Variants in RPTOR observed in about 807,000 individuals in gnomAD.
RPTOR encodes the protein regulatory associated protein of MTOR complex 1.
A neutral mutation model predicts 169.9 loss-of-function variants in RPTOR; 21 were observed. The observed-to-expected ratio is 0.12, with a 90% CI of 0.09 to 0.18. The LOEUF (loss-of-function observed/expected upper bound fraction) is 0.18. RPTOR is among the 10% of genes least tolerant of loss of function. RPTOR has a pLI of 1.00. For synonymous variants in RPTOR, 732 were observed against 753.2 expected (o/e 0.97, Z 0.46); for missense variants, 1,133 against 1,855.9 (o/e 0.61, Z 7.16).
chr17:80,821,579 G>A (rs56026498), intron 7 of RPTOR, among the ~76,000 whole-genome samples: 1,996 of 152,104 alleles, frequency 0.013, 46 homozygotes, highest in African/African-American at 0.046. Flanking sequence ...TCATCCCCCC[G>A]CCCACTCTCT....
intron 6 of RPTOR, among the ~76,000 whole-genome samples, chr17:80,769,363 A>G (rs2066819182): frequency 6.6e-6 from 1 of 152,180 alleles, no homozygotes; most frequent in Non-Finnish European, 1.5e-5. Context: ...ATTTCAGTGC[A>G]CTCTGAGACT....
intron 20 of RPTOR, among the ~76,000 whole-genome samples, chr17:80,905,047 C>T (rs893044683): frequency 5.3e-5 from 8 of 152,214 alleles, no homozygotes; most frequent in Non-Finnish European, 7.3e-5. Context: ...GGGCCCACGA[C>T]GCTCAGTCCT....
rs1207643191 is a variant in RPTOR, at chr17:80,844,496, G to A, written c.1213-1977G>A. Among the ~76,000 whole-genome samples, 3 of 152,140 alleles carry A rather than the reference G, an allele frequency of 2.0e-5. No individual in the cohort carries two copies. The highest frequency in any genetic ancestry group is 2.9e-5 in the Non-Finnish European group (2 of 68,030). ...TACGTTCTCGCGGGATGTGGAGGAG[G>A]GGGTACTTAACGAGATTTTTTTTTA... On this transcript the variant is annotated intron_variant, in intron 10 of 33. Transcript: ENST00000306801. This position sits in a 1 kb window ranked among gnomAD's most constrained non-coding sequence, Gnocchi z 4.7.
At chr17:80,842,440 T>C (rs1419160267) in intron 10 of RPTOR, among the ~76,000 whole-genome samples, 2 of 152,184 alleles carry the variant, frequency 1.3e-5, no homozygotes, top group Non-Finnish European at 2.9e-5. Flanking sequence ...CCTTCACATT[T>C]CTCGGAGTGA....
intron 4 of RPTOR, among the ~76,000 whole-genome samples, chr17:80,711,141 G>A (rs2066186563): frequency 6.6e-6 from 1 of 152,140 alleles, no homozygotes; most frequent in Non-Finnish European, 1.5e-5. Context: ...TACCCCTTTA[G>A]AAACTCACCA....
At chr17:80,930,200 GCTCATCCCCAGCTCATC>G (rs2068863106) in intron 24 of RPTOR, among the ~76,000 whole-genome samples, 1 of 111,828 alleles carries the variant, frequency 8.9e-6, no homozygotes, top group African/African-American at 3.5e-5. Context: ...CTCATGCCCA[GCTCATCCCCAGCTCATC>G]CTCAGCTCAT....
intron 16 of RPTOR, among the ~76,000 whole-genome samples, chr17:80,884,607 G>C (rs912408234): frequency 6.6e-6 from 1 of 152,196 alleles, no homozygotes; most frequent in Non-Finnish European, 1.5e-5. Context: ...TGTGTGCTCA[G>C]TGCACTTCAG....
chr17:80,599,236 C>T (rs192711106), intron 1 of RPTOR, among the ~76,000 whole-genome samples: 58 of 152,314 alleles, frequency 3.8e-4, no homozygotes, highest in Admixed American at 4.6e-4. Context: ...CGCAGCCATG[C>T]GGTGAGGCCC....
intron 1 of RPTOR, among the ~76,000 whole-genome samples, chr17:80,565,183 A>G (rs915373711): frequency 2.6e-5 from 4 of 152,172 alleles, no homozygotes; most frequent in Admixed American, 1.3e-4. Context: ...GTTATCTTGA[A>G]AGTTTTGTAG....
At chr17:80,826,932 C>T (rs1333420468) in intron 9 of RPTOR, among the ~76,000 whole-genome samples, 1 of 152,210 alleles carries the variant, frequency 6.6e-6, no homozygotes, top group Non-Finnish European at 1.5e-5. Flanking sequence ...CTTTTTTAAA[C>T]TCACACCTGG....
intron 7 of RPTOR, among the ~76,000 whole-genome samples, chr17:80,814,365 C>T (rs2067303259): frequency 6.6e-6 from 1 of 152,168 alleles, no homozygotes; most frequent in Non-Finnish European, 1.5e-5. Context: ...TGTGTATACC[C>T]TTCCAGACTT....
chr17:80,628,419 T>C (rs898833954), intron 2 of RPTOR, among the ~76,000 whole-genome samples: 2 of 152,150 alleles, frequency 1.3e-5, no homozygotes. Flanking sequence ...TTTTTCGGGG[T>C]ATGTAATTTT....
chr17:80,623,951 G>A (rs1443847843), intron 1 of RPTOR, among the ~76,000 whole-genome samples: 1 of 152,104 alleles, frequency 6.6e-6, no homozygotes, highest in Non-Finnish European at 1.5e-5. Context: ...AGGCCGGAGT[G>A]CAGTGGCTGT....
intron 24 of RPTOR, among the ~76,000 whole-genome samples, chr17:80,932,295 C>T (rs1282180237): frequency 6.6e-6 from 1 of 152,018 alleles, no homozygotes. Flanking sequence ...CACTTGAGCC[C>T]AGGAGTTCAA....
intron 3 of RPTOR, among the ~76,000 whole-genome samples, chr17:80,690,715 G>C (rs1158662545): frequency 6.6e-6 from 1 of 152,068 alleles, no homozygotes; most frequent in Non-Finnish European, 1.5e-5. Context: ...ATATCTGATA[G>C]TCCCTCTGTG....
intron 7 of RPTOR, among the ~76,000 whole-genome samples, chr17:80,810,509 TAA>T (rs1321072834): frequency 6.6e-6 from 1 of 152,230 alleles, no homozygotes; most frequent in Non-Finnish European, 1.5e-5. Context: ...TTTATTGGCA[TAA>T]AGATAGGAAT....
At chr17:80,741,919 C>A (rs548707769) in intron 5 of RPTOR, among the ~76,000 whole-genome samples, 1 of 152,234 alleles carries the variant, frequency 6.6e-6, no homozygotes, top group South Asian at 2.1e-4. Context: ...GGTAACCAGG[C>A]ACTCGTGGCA....
At chr17:80,833,204 T>C (rs1567937734) in intron 9 of RPTOR, among the ~76,000 whole-genome samples, 1 of 152,248 alleles carries the variant, frequency 6.6e-6, no homozygotes, top group Non-Finnish European at 1.5e-5. Context: ...ACCCGCCATC[T>C]CAGGGCTGTT....
At chr17:80,875,663 G>T (rs569993124) in intron 13 of RPTOR, among the ~76,000 whole-genome samples, 3 of 151,398 alleles carry the variant, frequency 2.0e-5, no homozygotes, top group African/African-American at 7.3e-5. Context: ...AGTCTCTGCC[G>T]GGTCTTCCAC....
Sources: gnomAD v4.1 joint callset for allele counts (sites outside exome capture counted in the v4.1 genomes callset) on GRCh38, gnomAD v4.1.1 for gene constraint, Gnocchi (gnomAD v3.1) non-coding constraint, MANE v1.5 for transcripts, NCBI Gene and HGNC (gene_info 2026-07-23, HGNC 2026-07-21) for gene names.